SOX5: variants seen among roughly 807,000 people sequenced by gnomAD.
SOX5 encodes the protein transcription factor SOX-5.
In SOX5, 9 loss-of-function variants were observed where a neutral mutation model predicts 92.0. That is an observed-to-expected ratio of 0.10 (90% CI 0.06 to 0.17). The LOEUF is 0.17. Among genes scored for constraint, SOX5 ranks in the 10% least tolerant of loss-of-function variants. The pLI, the probability that SOX5 is intolerant of heterozygous loss-of-function variation, is 1.00. For synonymous variants in SOX5, 344 were observed against 336.3 expected, an observed-to-expected ratio of 1.02 and a Z score of -0.25; for missense variants, 642 against 944.5, an observed-to-expected ratio of 0.68 and a Z score of 4.20.
chr12:24,038,709 C>T (rs147548929), intron 4 of SOX5, among the ~76,000 whole-genome samples: 2 of 152,278 alleles, frequency 1.3e-5, no homozygotes, highest in African/African-American at 4.8e-5. Context: ...AGGTCCCCCT[C>T]TCAGGAAACC....
At chr12:23,638,836 C>T (rs1056351004) in intron 8 of SOX5, among the ~76,000 whole-genome samples, 5 of 150,444 alleles carry the variant, frequency 3.3e-5, no homozygotes, top group Non-Finnish European at 5.9e-5. Context: ...TTCTCTGATA[C>T]GACATGCTTT....
intron 10 of SOX5, among the ~76,000 whole-genome samples, chr12:23,564,592 A>T (rs2136382779): frequency 6.6e-6 from 1 of 152,308 alleles, no homozygotes; most frequent in East Asian, 1.9e-4. Context: ...TTTACACCCT[A>T]ATCCATTTTT....
At chr12:23,603,630 G>A (rs2074857378) in intron 9 of SOX5, among the ~76,000 whole-genome samples, 1 of 151,370 alleles carries the variant, frequency 6.6e-6, no homozygotes. Context: ...TATCATTTAA[G>A]CAAGATCTTA....
In SOX5 at chr12:24,448,240, T is replaced by C. The variant is rs573353272; in HGVS notation, c.-250-79601A>G. On this transcript the variant is annotated intron_variant, in intron 1 of 4. Transcript: ENST00000446891. ...GAGATGCAACTAAAAGTACTAGGTA[T>C]ATTTAACCTAAAAATCCTGAAAGGC... 4.6e-5 allele frequency among the ~76,000 whole-genome samples: 7 copies of C among 152,218 alleles called. No individual in the cohort carries two copies. The South Asian group carries it at 1.0e-3, about 23-fold the overall frequency.
intron 4 of SOX5, among the ~76,000 whole-genome samples, chr12:24,156,017 A>G (rs149455233): frequency 6.6e-6 from 1 of 152,260 alleles, no homozygotes; most frequent in East Asian, 1.9e-4. Flanking sequence ...GGTTCAGAGC[A>G]CCCAACTCCC....
At chr12:24,108,591 C>G (rs1037867933) in intron 4 of SOX5, among the ~76,000 whole-genome samples, 1 of 152,030 alleles carries the variant, frequency 6.6e-6, no homozygotes, top group East Asian at 1.9e-4. Context: ...TTAATTATAG[C>G]CTATTAACAA....
At chr12:23,909,610 T>C (rs1178025462) in intron 1 of SOX5, among the ~76,000 whole-genome samples, 3 of 152,174 alleles carry the variant, frequency 2.0e-5, no homozygotes, top group Non-Finnish European at 2.9e-5. Context: ...CAGTCTGCCA[T>C]CTTTTCTGCT....
intron 2 of SOX5, among the ~76,000 whole-genome samples, chr12:24,357,153 A>T (rs993805567): frequency 6.6e-6 from 1 of 152,212 alleles, no homozygotes; most frequent in Non-Finnish European, 1.5e-5. Flanking sequence ...CTAATAGATA[A>T]GTGGGGCATG....
intron 1 of SOX5, among the ~76,000 whole-genome samples, chr12:24,462,239 G>A (rs1177844571): frequency 1.3e-5 from 2 of 152,112 alleles, no homozygotes; most frequent in African/African-American, 4.8e-5. Context: ...GAATACTGTA[G>A]GCAATTGCAA....
At chr12:24,011,216 TA>T (rs149016825) in intron 4 of SOX5, among the ~76,000 whole-genome samples, 20,088 of 151,854 alleles carry the variant, frequency 0.13, 1,829 homozygotes, top group Non-Finnish European at 0.2. Flanking sequence ...TTAATCAAAT[TA>T]AAAAAAATAG....
At chr12:23,682,772 T>G (rs940908517) in intron 6 of SOX5, among the ~76,000 whole-genome samples, 2 of 151,746 alleles carry the variant, frequency 1.3e-5, no homozygotes, top group African/African-American at 2.4e-5. Context: ...CATACATGTA[T>G]AAAAATGTTT....
intron 3 of SOX5, among the ~76,000 whole-genome samples, chr12:23,756,185 A>G (rs1053404429): frequency 2.0e-5 from 3 of 151,718 alleles, no homozygotes; most frequent in Admixed American, 6.6e-5. Context: ...TGTGTTTAAC[A>G]TCGTGTGGCG....
intron 4 of SOX5, among the ~76,000 whole-genome samples, chr12:24,009,382 C>T (rs1392371094): frequency 1.3e-5 from 2 of 152,220 alleles, no homozygotes; most frequent in East Asian, 1.9e-4. Flanking sequence ...CTTAGGCTCC[C>T]ATTCACTGCT....
At chr12:24,509,098 A>G (rs551370676) in intron 1 of SOX5, among the ~76,000 whole-genome samples, 1 of 152,370 alleles carries the variant, frequency 6.6e-6, no homozygotes, top group South Asian at 2.1e-4. Context: ...CGTGATGGCC[A>G]GTCAGTAGAC....
Position 23,641,264 on chromosome 12 carries a change from A to G in SOX5, c.932-367T>C, listed in dbSNP as rs372131725. On this transcript the variant is annotated intron_variant, in intron 7 of 14. Transcript: ENST00000451604. ...TCCTCAGCAAATTTACAGTATTATT[A>G]TAAAAGGAACTTAACTTACTTTTAT... Among the ~76,000 whole-genome samples the G allele has an allele frequency of 3.7e-4, 57 of 152,332 alleles. 1 individual carries two copies. In the East Asian group the frequency reaches 0.01, roughly 28 times the overall value.
chr12:24,223,868 C>A (rs1961173514), intron 3 of SOX5, among the ~76,000 whole-genome samples: 1 of 152,222 alleles, frequency 6.6e-6, no homozygotes, highest in Non-Finnish European at 1.5e-5. Flanking sequence ...TTCAGACTGA[C>A]TCGACCTATT....
At chr12:24,358,611 CA>C (rs11410265) in intron 2 of SOX5, among the ~76,000 whole-genome samples, 83 of 140,422 alleles carry the variant, frequency 5.9e-4, no homozygotes, top group African/African-American at 9.5e-4. Context: ...GACTCCATCT[CA>C]AAAAAAAAAA....
intron 11 of SOX5, among the ~76,000 whole-genome samples, chr12:23,553,329 TAG>T (rs1944549461): frequency 6.6e-6 from 1 of 152,030 alleles, no homozygotes; most frequent in Admixed American, 6.6e-5. Flanking sequence ...ATTATGAATT[TAG>T]TCCTTAAAAT....
chr12:23,559,832 C>G (rs1040544644), intron 11 of SOX5, among the ~76,000 whole-genome samples: 3 of 152,030 alleles, frequency 2.0e-5, no homozygotes, highest in African/African-American at 4.8e-5. Flanking sequence ...TCTCCCAGTT[C>G]CTTTCCCTCT....
Sources: allele counts gnomAD v4.1 joint callset (sites outside exome capture counted in the v4.1 genomes callset), GRCh38; gene constraint gnomAD v4.1.1; transcripts MANE v1.5; gene names NCBI Gene and HGNC (gene_info 2026-07-23, HGNC 2026-07-21).